The following WFDC1 variants were observed in gnomAD, a reference collection of about 807,000 sequenced individuals.
The protein encoded by WFDC1 is WAP four-disulfide core domain protein 1.
WFDC1 carries 39 observed loss-of-function variants against 32.9 expected under a neutral mutation model. That is an observed-to-expected ratio of 1.19 (90% CI 0.92 to 1.55). WFDC1 has a LOEUF of 1.55. Among genes scored for constraint, WFDC1 ranks in the 40% most tolerant of loss-of-function variants. The pLI, the probability that WFDC1 is intolerant of heterozygous loss-of-function variation, is 0.00. For synonymous variants in WFDC1, 184 were observed against 137.4 expected (o/e 1.34, Z -2.37); for missense variants, 386 against 309.5 (o/e 1.25, Z -1.85).
At chr16:84,301,126 G>A (rs747516959) in intron 1 of WFDC1, among the ~76,000 whole-genome samples, 1 of 152,184 alleles carries the variant, frequency 6.6e-6, no homozygotes, top group African/African-American at 2.4e-5. Flanking sequence ...GCCACCACTG[G>A]AAGCTGGGAG....
chr16:84,324,202 C>T (rs1034711150), intron 4 of WFDC1, among the ~76,000 whole-genome samples: 2 of 152,096 alleles, frequency 1.3e-5, no homozygotes, highest in African/African-American at 4.8e-5. Flanking sequence ...GGAGATCTCA[C>T]AGGGCTTTCC....
intron 1 of WFDC1, among the ~76,000 whole-genome samples, chr16:84,296,311 G>C (rs770538532): frequency 3.3e-5 from 5 of 152,226 alleles, no homozygotes; most frequent in Non-Finnish European, 7.3e-5. Context: ...GTAGCATGTA[G>C]GTTCCTTGGG....
At chr16:84,305,337 G>A (rs550927989) in intron 1 of WFDC1, among the ~76,000 whole-genome samples, 53 of 152,342 alleles carry the variant, frequency 3.5e-4, no homozygotes, top group African/African-American at 1.1e-3. Context: ...GGCTGGAGGC[G>A]ACTTCAGGTG....
rs141740586 is a variant in WFDC1 at position 84,321,251 on chromosome 16, G to C, written c.562+1680G>C. On this transcript the variant is annotated intron_variant, in intron 4 of 6. Coordinates refer to ENST00000219454, the MANE Select transcript of WFDC1 (RefSeq NM_021197.4). ...TACTTCACAGGGCTCTTTGAGGAGT[G>C]AGTTAATCTGTGTAGAGTGTCCATC... 7.4e-3 allele frequency among the ~76,000 whole-genome samples: 1,133 copies of C among 152,336 alleles called. 16 individuals carry two copies. The highest frequency in any genetic ancestry group is 0.026 in the African/African-American group (1,066 of 41,578).
At chr16:84,305,084 C>T (rs1017991286) in intron 1 of WFDC1, among the ~76,000 whole-genome samples, 2 of 152,190 alleles carry the variant, frequency 1.3e-5, no homozygotes, top group African/African-American at 4.8e-5. Flanking sequence ...TTTTGTGCCT[C>T]AGTTTCCTCA....
chr16:84,297,126 G>A (rs953186617), intron 1 of WFDC1: 2 of 152,224 alleles, frequency 1.3e-5, no homozygotes, highest in Non-Finnish European at 2.9e-5. Flanking sequence ...GAGGGTCAGG[G>A]TTGATATGCG....
At position 84,326,946 on chromosome 16, in the gene WFDC1, C is replaced by T. The variant is rs754118698; in HGVS notation, c.*6C>T. 5.7e-5 allele frequency: 92 copies of T among 1,614,024 alleles called. 1 individual carries two copies. Among genetic ancestry groups the T allele is most frequent in the South Asian group, 4.2e-4 (38 of 91,066 alleles). On this transcript the variant is annotated 3_prime_UTR_variant, in exon 6 of 7. Transcript: ENST00000219454. Reference sequence around the variant, plus strand: ...AACAGAAGCACTTTCAGTAAAGCAACGGCAAGCAGGTGAGTGGGCAGAGAG... The same window carrying T: ...AACAGAAGCACTTTCAGTAAAGCAATGGCAAGCAGGTGAGTGGGCAGAGAG...
At chr16:84,309,185 G>T (rs1907460452) in intron 1 of WFDC1, among the ~76,000 whole-genome samples, 1 of 152,178 alleles carries the variant, frequency 6.6e-6, no homozygotes. Context: ...AGGGGAGGAG[G>T]GAGGGCAGTT....
chr16:84,313,720 A>T (rs1312997019), intron 2 of WFDC1, among the ~76,000 whole-genome samples: 1 of 152,100 alleles, frequency 6.6e-6, no homozygotes, highest in East Asian at 1.9e-4. Context: ...GAGCTTAGCA[A>T]TCCAGATGGG....
At chr16:84,327,801 G>A (rs937879284) in intron 6 of WFDC1, 4 of 152,192 alleles carry the variant, frequency 2.6e-5, no homozygotes, top group African/African-American at 9.7e-5. Flanking sequence ...ATTCTGTTGG[G>A]TGCCAACTAT....
chr16:84,311,775 T>A (rs1907642901), intron 1 of WFDC1, among the ~76,000 whole-genome samples: 1 of 144,814 alleles, frequency 6.9e-6, no homozygotes, highest in African/African-American at 2.6e-5. Context: ...TGAGCTCAAG[T>A]GATTCACCCA....
chr16:84,313,089 G>A lies in WFDC1; in HGVS notation c.273G>A (p.Arg91=), dbSNP rs1907740148. 2.1e-6 allele frequency: 3 copies of A among 1,429,390 alleles called. No individual in the cohort carries two copies. The highest frequency in any genetic ancestry group is 3.1e-5 in the Admixed American group (1 of 32,120). The allele number at this position is 1,429,390 out of a possible 1,614,324, so 88.5% of individuals were successfully genotyped here. ...ARCQADSECP[R]HRRCCYNGCA... ...GTCAGGCGGACTCCGAGTGCCCGCGGCACCGGCGCTGCTGCTACAACGGAT... is the reference window on the plus strand; with the variant it reads ...GTCAGGCGGACTCCGAGTGCCCGCGACACCGGCGCTGCTGCTACAACGGAT... The change falls in exon 2 of 7, where the codon CGG becomes CGA. Residue 91 remains arginine, a synonymous_variant. Coordinates refer to ENST00000219454, the MANE Select transcript of WFDC1 (RefSeq NM_021197.4).
intron 1 of WFDC1, among the ~76,000 whole-genome samples, chr16:84,309,991 G>A (rs1448579099): frequency 3.9e-5 from 6 of 152,068 alleles, no homozygotes; most frequent in African/African-American, 7.2e-5. Context: ...ACCTAATTGC[G>A]TCTGCAAAGA....
chr16:84,319,093 G>A, intron 3 of WFDC1: 1 of 361,598 alleles, frequency 2.8e-6, no homozygotes, highest in Non-Finnish European at 5.1e-6. Context: ...TTGTGTAAAT[G>A]TCTGTGTCCC....
rs3785045 is a variant in WFDC1, at chr16:84,310,507, T to G, written c.145-2454T>G. ...TTTAAATTGAAGAAGAATGTGTACA[T>G]GGTAAAAAGACATTGAACCACTGCA... is the stretch of plus-strand genomic sequence containing the variant. On this transcript the variant is annotated intron_variant, in intron 1 of 6. Transcript: ENST00000219454. Among the ~76,000 whole-genome samples the G allele has an allele frequency of 1.1e-3, 165 of 151,708 alleles. 3 individuals are homozygous for G. In the East Asian group the frequency reaches 0.028, roughly 26 times the overall value.
intron 2 of WFDC1, chr16:84,317,581 CAGGTATATTGGT>C (rs1908036714): frequency 1.3e-5 from 2 of 152,122 alleles, no homozygotes; most frequent in Non-Finnish European, 2.9e-5. Context: ...CTGTTAAAAC[CAGGTATATTGGT>C]TATACCTGGG....
intron 1 of WFDC1, among the ~76,000 whole-genome samples, chr16:84,311,224 C>CAAG (rs1301004049): frequency 6.7e-6 from 1 of 148,382 alleles, no homozygotes; most frequent in African/African-American, 2.5e-5. Flanking sequence ...ACCCATATTC[C>CAAG]TATATGTTAA....
Position 84,312,941 on chromosome 16 carries a change from A to G in WFDC1, c.145-20A>G. 8.7e-7 allele frequency: 1 copy of G among 1,150,842 alleles called. No individual in the cohort carries two copies. The highest frequency in any genetic ancestry group is 1.1e-6 in the Non-Finnish European group (1 of 936,752). 71.3% of individuals were successfully genotyped at this position (1,150,842 alleles called of 1,614,324 possible). A position where few individuals can be genotyped will look rare whatever the true frequency, so the allele number is the denominator to read the frequency against. ...TCGAACGCGCGCCCCAGAGCTGCTGACACCGCCCTCTCCCCGCAGGCCGAG... is the reference window on the plus strand; with the variant it reads ...TCGAACGCGCGCCCCAGAGCTGCTGGCACCGCCCTCTCCCCGCAGGCCGAG... On this transcript the variant is annotated intron_variant, in intron 1 of 6. Coordinates refer to ENST00000219454, the MANE Select transcript of WFDC1 (RefSeq NM_021197.4).
intron 2 of WFDC1, among the ~76,000 whole-genome samples, chr16:84,313,758 G>A (rs112688789): frequency 1.3e-5 from 2 of 152,234 alleles, no homozygotes; most frequent in Non-Finnish European, 2.9e-5. Context: ...GCGGGTGCGT[G>A]GCTTCAGATC....
Sources: gnomAD v4.1 joint callset for allele counts (sites outside exome capture counted in the v4.1 genomes callset) on GRCh38, gnomAD v4.1.1 for gene constraint, MANE v1.5 for transcripts, NCBI Gene and HGNC (gene_info 2026-07-23, HGNC 2026-07-21) for gene names.